DOCK11: variants seen among roughly 807,000 people sequenced by gnomAD.
DOCK11 encodes dedicator of cytokinesis 11, also known as dedicator of cytokinesis protein 11.
DOCK11 carries 70 observed loss-of-function variants against 169.1 expected under a neutral mutation model. That is an observed-to-expected ratio of 0.41 (90% CI 0.34 to 0.51). The LOEUF (loss-of-function observed/expected upper bound fraction) is 0.51. DOCK11 is among the 20% of genes least tolerant of loss of function. The probability of loss-of-function intolerance (pLI) is 0.10; values close to 1 mark genes in which losing one functional copy is unlikely to be tolerated. For missense variants in DOCK11, 1,166 were observed against 1,538.8 expected, an observed-to-expected ratio of 0.76 and a Z score of 4.05; for synonymous variants, 529 against 541.3, an observed-to-expected ratio of 0.98 and a Z score of 0.32.
chrX:118,656,510 T>A (rs189033742), intron 44 of DOCK11, among the ~76,000 whole-genome samples: 27 of 111,530 alleles, frequency 2.4e-4, no homozygotes, highest in African/African-American at 4.9e-4. Flanking sequence ...AGGGTTTTTT[T>A]AAAAATCACT....
In DOCK11 at chrX:118,675,941, T is replaced by C. The variant is rs1354561537; in HGVS notation, c.5205T>C (p.Leu1735=). The C allele has an allele frequency of 8.8e-7, 1 of 1,132,727 alleles. No individual in the cohort carries two copies. The allele number at this position is 1,132,727 out of a possible 1,213,427, so 93.3% of individuals were successfully genotyped here. A position where few individuals can be genotyped will look rare whatever the true frequency, so the allele number is the denominator to read the frequency against. Residue 1735 remains leucine (L), a synonymous_variant, in exon 47 of 53, where the codon CTT becomes CTC. Transcript: ENST00000276202. ...TGTATATTTTTATTTTTCAGAAACT[T>C]ACTCAAGTTTATAGAACTCTTCATG... ...IYEKRREFEK[L]TQVYRTLHGA... is the part of the protein sequence containing the mutation.
intron 13 of DOCK11, 96 bp from the exon 14 acceptor site, chrX:118,580,001 G>T: frequency 1.5e-6 from 1 of 657,283 alleles, no homozygotes; most frequent in Non-Finnish European, 2.2e-6. Context: ...TGAGATTTTT[G>T]ATGTTTTGTA....
intron 1 of DOCK11, among the ~76,000 whole-genome samples, chrX:118,517,062 TTA>T (rs963242531): frequency 3.6e-5 from 4 of 111,785 alleles, no homozygotes; most frequent in Admixed American, 9.6e-5. Context: ...TAACATATGT[TTA>T]TATATAATGC....
intron 1 of DOCK11, among the ~76,000 whole-genome samples, chrX:118,527,291 GA>G (rs2011399445): frequency 8.9e-6 from 1 of 112,272 alleles, no homozygotes; most frequent in Non-Finnish European, 1.9e-5. Flanking sequence ...CATTTTACGT[GA>G]AAAGATACTC....
chrX:118,547,435 C>A (rs965374874), intron 6 of DOCK11, among the ~76,000 whole-genome samples: 1 of 111,778 alleles, frequency 8.9e-6, no homozygotes, highest in African/African-American at 3.3e-5. Context: ...CTGTATATCG[C>A]TTGCACCTAA....
intron 40 of DOCK11, among the ~76,000 whole-genome samples, chrX:118,646,399 G>A (rs1317328331): frequency 9.0e-6 from 1 of 111,245 alleles, no homozygotes; most frequent in African/African-American, 3.3e-5. Flanking sequence ...ACGTAGAAGG[G>A]AGGTTCAAAG....
rs370492184 is a variant in DOCK11, at chrX:118,506,583, T to G, written c.102+10510T>G. On this transcript the variant is annotated intron_variant, in intron 1 of 52. Coordinates refer to ENST00000276202, the MANE Select transcript of DOCK11 (RefSeq NM_144658.4). ...TGGGAGGCTGAGGCATGAGAATCAC[T>G]TGAACCCGGGAGGCAGAGGTTGCAG... Among the ~76,000 whole-genome samples the G allele has an allele frequency of 4.5e-5, 5 of 111,031 alleles. No individual in the cohort carries two copies. In the East Asian group the frequency reaches 8.5e-4, roughly 19 times the overall value.
intron 1 of DOCK11, among the ~76,000 whole-genome samples, chrX:118,535,817 G>T (rs748575024): frequency 9.0e-6 from 1 of 111,399 alleles, no homozygotes; most frequent in Non-Finnish European, 1.9e-5. Flanking sequence ...TGGCAAGTTG[G>T]GTTCTGCTAG....
chrX:118,641,153 G>A (rs2015523044), intron 38 of DOCK11, 37 bp from the exon 39 acceptor site: 9 of 1,021,686 alleles, frequency 8.8e-6, no homozygotes, highest in East Asian at 6.1e-5. Context: ...GTGCATCTTC[G>A]TGTTGGGAAA....
intron 16 of DOCK11, 109 bp downstream of exon 16, chrX:118,585,226 C>A: frequency 1.5e-6 from 1 of 686,517 alleles, no homozygotes; most frequent in Non-Finnish European, 2.2e-6. Context: ...CCCAGGGTTG[C>A]CATAGCACAA....
intron 49 of DOCK11, 136 bp downstream of exon 49, chrX:118,680,828 C>A: frequency 3.4e-6 from 2 of 591,888 alleles, no homozygotes; most frequent in Non-Finnish European, 5.2e-6. Context: ...CAAGTTTGCA[C>A]AAGCACGTCC....
At chrX:118,651,283 A>C (rs2015939664) in intron 41 of DOCK11, among the ~76,000 whole-genome samples, 1 of 111,139 alleles carries the variant, frequency 9.0e-6, no homozygotes, top group Admixed American at 9.6e-5. Context: ...AAATATAAAA[A>C]ATTAGTTAGG....
chrX:118,562,927 G>T (rs2012959923), intron 7 of DOCK11, among the ~76,000 whole-genome samples: 1 of 112,288 alleles, frequency 8.9e-6, no homozygotes, highest in Admixed American at 9.4e-5. Context: ...TTCCTTTGGG[G>T]ATTACAGGGA....
At position 118,604,468 on chromosome X, in the gene DOCK11, C is replaced by G. The variant is rs1019453416; in HGVS notation, c.2563-770C>G. 2.8e-5 allele frequency among the ~76,000 whole-genome samples: 3 copies of G among 106,750 alleles called. No homozygotes were observed. In the Admixed American group the frequency reaches 3.0e-4, roughly 11 times the overall value. The allele number at this position is 106,750 out of a possible 115,157, so 92.7% of individuals were successfully genotyped here. A position where few individuals can be genotyped will look rare whatever the true frequency, so the allele number is the denominator to read the frequency against. On this transcript the variant is annotated intron_variant, in intron 23 of 52. Coordinates refer to ENST00000276202, the MANE Select transcript of DOCK11 (RefSeq NM_144658.4). ...TTGATTTATCCACCTCTCTATTTCC[C>G]CTAGCACTACACATTGAATTGATAT...
chrX:118,609,260 T>C lies in DOCK11; in HGVS notation c.2878-18T>C. 1 of 1,164,422 alleles carries C rather than the reference T, an allele frequency of 8.6e-7. No individual in the cohort carries two copies. The highest frequency in any genetic ancestry group is 1.8e-5 in the African/African-American group (1 of 56,512). On this transcript the variant is annotated intron_variant, in intron 26 of 52. Transcript: ENST00000276202. ...GAGATTTGGTAACCGTTAAAGATTC[T>C]CTTTCTTTTTTTTTCAGTACTCATG...
intron 46 of DOCK11, among the ~76,000 whole-genome samples, chrX:118,672,862 A>C (rs2016519588): frequency 8.9e-6 from 1 of 112,481 alleles, no homozygotes; most frequent in Non-Finnish European, 1.9e-5. Context: ...GCTCTGATCA[A>C]ATTCACTTTT....
chrX:118,607,109 C>CTT (rs2014535569), intron 24 of DOCK11, among the ~76,000 whole-genome samples: 1 of 74,994 alleles, frequency 1.3e-5, no homozygotes, highest in African/African-American at 5.1e-5. Flanking sequence ...TTTTCCTTTC[C>CTT]TTCTTTTTTT....
intron 14 of DOCK11, among the ~76,000 whole-genome samples, chrX:118,581,657 A>G (rs937669649): frequency 5.7e-5 from 6 of 105,865 alleles, no homozygotes; most frequent in African/African-American, 2.1e-4. Context: ...CAAAAAAATT[A>G]GCTGGGCATG....
At chrX:118,648,462 G>C (rs929451194) in intron 40 of DOCK11, among the ~76,000 whole-genome samples, 102 of 94,581 alleles carry the variant, frequency 1.1e-3, no homozygotes, top group South Asian at 2.6e-3. Context: ...AACGTGCTGA[G>C]ACAATATATT....
Sources: allele counts gnomAD v4.1 joint callset (sites outside exome capture counted in the v4.1 genomes callset), GRCh38; gene constraint gnomAD v4.1.1; transcripts MANE v1.5; gene names NCBI Gene and HGNC (gene_info 2026-07-23, HGNC 2026-07-21).